DSCAM: variants seen among roughly 807,000 people sequenced by gnomAD.
DSCAM encodes cell adhesion molecule DSCAM.
In DSCAM, 47 loss-of-function variants were observed where a neutral mutation model predicts 217.7. That is an observed-to-expected ratio of 0.22 (90% CI 0.17 to 0.28). The LOEUF is 0.28. Among genes scored for constraint, DSCAM ranks in the 10% least tolerant of loss-of-function variants. The pLI is 1.00. For synonymous variants in DSCAM, 1,056 were observed against 1,015.3 expected (o/e 1.04, Z -0.76); for missense variants, 2,080 against 2,618.3 (o/e 0.79, Z 4.49).
At chr21:40,103,123 C>T (rs1275359809) in intron 20 of DSCAM, among the ~76,000 whole-genome samples, 1 of 152,200 alleles carries the variant, frequency 6.6e-6, no homozygotes, top group Non-Finnish European at 1.5e-5. Context: ...AAAATGACTA[C>T]AAAGCCATAG....
chr21:40,357,411 T>A (rs750433005), intron 4 of DSCAM, among the ~76,000 whole-genome samples: 1 of 152,168 alleles, frequency 6.6e-6, no homozygotes, highest in Non-Finnish European at 1.5e-5. Flanking sequence ...TTACTGGAAG[T>A]ATCATCACCT....
chr21:40,170,175 C>A (rs1352873769), intron 15 of DSCAM, among the ~76,000 whole-genome samples: 2 of 152,200 alleles, frequency 1.3e-5, no homozygotes, highest in African/African-American at 4.8e-5. Context: ...TTCCCTGGGG[C>A]TTTCTTCTCC....
At position 40,494,824 on chromosome 21, in the gene DSCAM, G is replaced by T. The variant is rs1444416299; in HGVS notation, c.509-125579C>A. Among the ~76,000 whole-genome samples the T allele has an allele frequency of 4.2e-5, 6 of 142,186 alleles. No homozygotes were observed. The East Asian group carries it at 6.2e-4, about 15-fold the overall frequency. 93.3% of individuals were successfully genotyped at this position (142,186 alleles called of 152,430 possible). On this transcript the variant is annotated intron_variant, in intron 3 of 32. Coordinates refer to ENST00000400454, the MANE Select transcript of DSCAM (RefSeq NM_001389.5). ...AAAAGATCAACAAAACTAAAGTTGG[G>T]TTTTTTTTTTTCAAAAATAGAACCA...
At chr21:40,657,195 G>A (rs989102911) in intron 3 of DSCAM, among the ~76,000 whole-genome samples, 3 of 152,178 alleles carry the variant, frequency 2.0e-5, no homozygotes, top group Non-Finnish European at 4.4e-5. Context: ...AATGGGGTAG[G>A]TAAGGTTGCC....
Position 40,490,603 on chromosome 21 carries a change from G to A in DSCAM, c.509-121358C>T, listed in dbSNP as rs937659836. Reference sequence around the variant, plus strand: ...GAAAAGATTTGAGAGAGGTCTGGCTGGAGTACCCCCACCCTGACGTCACAA... The same window carrying A: ...GAAAAGATTTGAGAGAGGTCTGGCTAGAGTACCCCCACCCTGACGTCACAA... On this transcript the variant is annotated intron_variant, in intron 3 of 32. Coordinates refer to ENST00000400454, the MANE Select transcript of DSCAM (RefSeq NM_001389.5). Among the ~76,000 whole-genome samples the A allele has an allele frequency of 5.3e-5, 8 of 152,238 alleles. No individual in the cohort carries two copies. The East Asian group carries it at 9.7e-4, about 18-fold the overall frequency.
intron 32 of DSCAM, among the ~76,000 whole-genome samples, chr21:40,031,538 CAATGGGTTCTG>C (rs2088524556): frequency 6.6e-6 from 1 of 152,146 alleles, no homozygotes; most frequent in Non-Finnish European, 1.5e-5. Flanking sequence ...AGACTGCAGG[CAATGGGTTCTG>C]AAGACATGAG....
chr21:40,674,632 CTT>C (rs869046725), intron 3 of DSCAM, among the ~76,000 whole-genome samples: 1 of 51,994 alleles, frequency 1.9e-5, no homozygotes, highest in Non-Finnish European at 4.0e-5. Flanking sequence ...TTTTCTTTTT[CTT>C]TTTTTTTTTT....
intron 3 of DSCAM, among the ~76,000 whole-genome samples, chr21:40,443,595 T>C (rs1422576301): frequency 6.6e-6 from 1 of 152,214 alleles, no homozygotes; most frequent in Non-Finnish European, 1.5e-5. Flanking sequence ...ACTTGTTATG[T>C]CCAATATGAG....
intron 3 of DSCAM, among the ~76,000 whole-genome samples, chr21:40,686,277 CACAT>C (rs1266133109): frequency 1.3e-5 from 2 of 150,666 alleles, no homozygotes; most frequent in African/African-American, 2.4e-5. Flanking sequence ...ACACCCCACA[CACAT>C]ACAGAGCTCA....
intron 1 of DSCAM, among the ~76,000 whole-genome samples, chr21:40,730,050 C>G (rs755954922): frequency 1.2e-4 from 18 of 152,120 alleles, no homozygotes; most frequent in South Asian, 6.2e-4. Context: ...ATTAATAATC[C>G]CAGAACCTAT....
intron 16 of DSCAM, among the ~76,000 whole-genome samples, chr21:40,149,407 T>C (rs2090396253): frequency 7.3e-6 from 1 of 137,084 alleles, no homozygotes; most frequent in African/African-American, 2.9e-5. Context: ...CACCACAACA[T>C]CCATCACTCC....
chr21:40,406,193 T>A (rs769222347), intron 3 of DSCAM, among the ~76,000 whole-genome samples: 6 of 152,176 alleles, frequency 3.9e-5, no homozygotes, highest in Non-Finnish European at 8.8e-5. Context: ...CCCTATGAAC[T>A]GTTGGTGGAG....
intron 16 of DSCAM, among the ~76,000 whole-genome samples, chr21:40,156,308 AG>A (rs2089183493): frequency 1.4e-5 from 2 of 144,382 alleles, no homozygotes; most frequent in Non-Finnish European, 3.0e-5. Flanking sequence ...AGAGAGAGAG[AG>A]AGAGAGAGAG....
intron 1 of DSCAM, among the ~76,000 whole-genome samples, chr21:40,784,284 A>C (rs1186471736): frequency 6.6e-6 from 1 of 152,026 alleles, no homozygotes; most frequent in Non-Finnish European, 1.5e-5. Flanking sequence ...TAAGTCTTAC[A>C]AGATCTCATG....
intron 1 of DSCAM, among the ~76,000 whole-genome samples, chr21:40,816,244 T>A (rs1016097405): frequency 1.3e-5 from 2 of 152,178 alleles, no homozygotes; most frequent in Non-Finnish European, 2.9e-5. Flanking sequence ...TCCTAATTTG[T>A]CCTTAGTTCT....
At chr21:40,684,864 C>CTTT in intron 3 of DSCAM, among the ~76,000 whole-genome samples, 1 of 152,284 alleles carries the variant, frequency 6.6e-6, no homozygotes, top group South Asian at 2.1e-4. Flanking sequence ...AGAGAATATG[C>CTTT]TTGTGTCCAA....
intron 1 of DSCAM, among the ~76,000 whole-genome samples, chr21:40,762,936 C>A (rs2091349725): frequency 6.6e-6 from 1 of 152,170 alleles, no homozygotes; most frequent in East Asian, 1.9e-4. Flanking sequence ...CTTGATGGAA[C>A]ATATCTCAAA....
intron 11 of DSCAM, among the ~76,000 whole-genome samples, chr21:40,203,003 T>C (rs558730658): frequency 9.8e-5 from 15 of 152,322 alleles, no homozygotes; most frequent in African/African-American, 3.6e-4. Context: ...TGCTGAGAAA[T>C]GTATTAGCTT....
At chr21:40,509,348 T>C (rs1297816125) in intron 3 of DSCAM, among the ~76,000 whole-genome samples, 1 of 152,208 alleles carries the variant, frequency 6.6e-6, no homozygotes, top group Non-Finnish European at 1.5e-5. Context: ...ACTCGTATAT[T>C]GATTAGCAAA....
Sources: gnomAD v4.1 joint callset for allele counts (sites outside exome capture counted in the v4.1 genomes callset) on GRCh38, gnomAD v4.1.1 for gene constraint, MANE v1.5 for transcripts, NCBI Gene and HGNC (gene_info 2026-07-23, HGNC 2026-07-21) for gene names.